ZNF385D: variants seen among roughly 807,000 people sequenced by gnomAD.
ZNF385D encodes zinc finger protein 659.
ZNF385D carries 15 observed loss-of-function variants against 35.8 expected under a neutral mutation model. The observed-to-expected ratio is 0.42, with a 90% confidence interval of 0.28 to 0.64. The LOEUF (loss-of-function observed/expected upper bound fraction) is 0.64. Ranked by LOEUF, ZNF385D falls within the 30% of genes least tolerant of loss-of-function variation. The pLI is 0.23. For missense variants in ZNF385D, 474 were observed against 494.6 expected (o/e 0.96, Z 0.39); for synonymous variants, 212 against 186.8 (o/e 1.13, Z -1.10).
intron 3 of ZNF385D, among the ~76,000 whole-genome samples, chr3:21,827,358 A>G (rs1290422213): frequency 6.6e-6 from 1 of 152,188 alleles, no homozygotes; most frequent in Non-Finnish European, 1.5e-5. Context: ...ACACGCATAT[A>G]TATTAACTGT....
chr3:21,901,396 T>G (rs62236546), intron 3 of ZNF385D, among the ~76,000 whole-genome samples: 1 of 152,046 alleles, frequency 6.6e-6, no homozygotes, highest in Non-Finnish European at 1.5e-5. Flanking sequence ...AGAATTAAAA[T>G]AAACTAAGAA....
intron 2 of ZNF385D, among the ~76,000 whole-genome samples, chr3:21,618,952 G>A (rs568325649): frequency 5.0e-4 from 76 of 152,208 alleles, no homozygotes; most frequent in African/African-American, 1.8e-3. Context: ...TCTTGTCCAG[G>A]TCAAGCCAGT....
chr3:22,342,453 G>A (rs1695470116), intron 2 of ZNF385D, among the ~76,000 whole-genome samples: 1 of 151,902 alleles, frequency 6.6e-6, no homozygotes. Flanking sequence ...GACCATCCAG[G>A]CTTTTCTCCC....
At chr3:21,905,506 G>A (rs1393039902) in intron 3 of ZNF385D, among the ~76,000 whole-genome samples, 1 of 151,874 alleles carries the variant, frequency 6.6e-6, no homozygotes, top group Non-Finnish European at 1.5e-5. Flanking sequence ...AGAAAAATGG[G>A]TTTGACCCAA....
chr3:22,338,502 A>G (rs1695271714), intron 2 of ZNF385D, among the ~76,000 whole-genome samples: 1 of 152,190 alleles, frequency 6.6e-6, no homozygotes, highest in African/African-American at 2.4e-5. Flanking sequence ...ATGACATTAC[A>G]GAAATATCAA....
intron 3 of ZNF385D, among the ~76,000 whole-genome samples, chr3:22,107,008 A>G (rs1165453008): frequency 3.7e-5 from 5 of 135,264 alleles, no homozygotes; most frequent in Non-Finnish European, 6.7e-5. Flanking sequence ...CTATTTATGC[A>G]AAAACTTTGG....
intron 3 of ZNF385D, among the ~76,000 whole-genome samples, chr3:21,976,651 T>A (rs1042071820): frequency 6.6e-5 from 10 of 152,204 alleles, no homozygotes; most frequent in African/African-American, 1.7e-4. Flanking sequence ...CCAGAATTGG[T>A]AAATATATTT....
chr3:22,039,635 A>G (rs1385342217), intron 3 of ZNF385D, among the ~76,000 whole-genome samples: 1 of 152,122 alleles, frequency 6.6e-6, no homozygotes, highest in Admixed American at 6.6e-5. Context: ...TCAACCTAAT[A>G]CATAATATAA....
At chr3:22,030,688 T>C (rs747180052) in intron 3 of ZNF385D, among the ~76,000 whole-genome samples, 2 of 152,004 alleles carry the variant, frequency 1.3e-5, no homozygotes, top group African/African-American at 4.8e-5. Flanking sequence ...CCAAACCATA[T>C]CATTCTGCCC....
At chr3:21,878,949 A>C (rs753402963) in intron 3 of ZNF385D, among the ~76,000 whole-genome samples, 3 of 152,082 alleles carry the variant, frequency 2.0e-5, no homozygotes, top group Non-Finnish European at 4.4e-5. Flanking sequence ...CTATTTTATA[A>C]AAAGAGCCAT....
intron 2 of ZNF385D, among the ~76,000 whole-genome samples, chr3:22,309,428 G>T (rs1413197323): frequency 6.6e-6 from 1 of 152,018 alleles, no homozygotes; most frequent in Non-Finnish European, 1.5e-5. Context: ...CCTTGTCCCA[G>T]TTTCTCACTT....
chr3:21,920,730 T>C (rs1026640655), intron 3 of ZNF385D, among the ~76,000 whole-genome samples: 3 of 151,664 alleles, frequency 2.0e-5, no homozygotes, highest in Middle Eastern at 3.4e-3. Context: ...GTTAGGCAAC[T>C]CTCCCCACAC....
intron 3 of ZNF385D, among the ~76,000 whole-genome samples, chr3:21,960,919 A>G (rs983333522): frequency 2.6e-5 from 4 of 152,088 alleles, no homozygotes; most frequent in African/African-American, 9.7e-5. Context: ...ATTAGAGGAT[A>G]TGGAGAAGAG....
At chr3:21,599,699 C>G (rs1253075869) in intron 2 of ZNF385D, among the ~76,000 whole-genome samples, 3 of 152,192 alleles carry the variant, frequency 2.0e-5, no homozygotes, top group Non-Finnish European at 4.4e-5. Flanking sequence ...ATAGAATAGT[C>G]TGAAGATTTA....
intron 6 of ZNF385D, among the ~76,000 whole-genome samples, chr3:21,424,749 A>G (rs948700755): frequency 6.2e-5 from 9 of 146,126 alleles, no homozygotes; most frequent in African/African-American, 2.3e-4. Flanking sequence ...GGAATTTTAC[A>G]TGCAAATAAA....
chr3:21,822,934 A>G (rs1366688147), intron 3 of ZNF385D, among the ~76,000 whole-genome samples: 1 of 152,150 alleles, frequency 6.6e-6, no homozygotes, highest in East Asian at 1.9e-4. Flanking sequence ...ACTGTAAATT[A>G]AAAAAAGCAA....
chr3:21,812,931 G>GGAGACACCTCCCAGTACGGGCCAACTGA (rs2072994061), intron 3 of ZNF385D, among the ~76,000 whole-genome samples: 1 of 152,162 alleles, frequency 6.6e-6, no homozygotes. Flanking sequence ...AGCCCAACTG[G>GGAGACACCTCCCAGTACGGGCCAACTGA]GAGACACCTC....
At chr3:21,493,235 T>G (rs192270929) in intron 4 of ZNF385D, among the ~76,000 whole-genome samples, 82 of 152,190 alleles carry the variant, frequency 5.4e-4, no homozygotes, top group African/African-American at 1.7e-3. Flanking sequence ...TCTGTATTAT[T>G]TAGCAAATGA....
chr3:21,669,741 G>A (rs1172394591), intron 1 of ZNF385D, among the ~76,000 whole-genome samples: 15 of 152,096 alleles, frequency 9.9e-5, no homozygotes, highest in South Asian at 2.1e-4. Context: ...TTAATGAACC[G>A]AAGAACTTCC....
Sources: allele counts gnomAD v4.1 joint callset (sites outside exome capture counted in the v4.1 genomes callset), GRCh38; gene constraint gnomAD v4.1.1; transcripts MANE v1.5; gene names NCBI Gene and HGNC (gene_info 2026-07-23, HGNC 2026-07-21).